The following RHOBTB1 variants were observed in gnomAD, a reference collection of about 807,000 sequenced individuals.
RHOBTB1 encodes the protein Rho related BTB domain containing 1.
A neutral mutation model predicts 71.6 loss-of-function variants in RHOBTB1; 40 were observed. That is an observed-to-expected ratio of 0.56 (90% CI 0.43 to 0.73). The LOEUF (loss-of-function observed/expected upper bound fraction) is 0.73, where lower values mean the gene tolerates loss of function less well. Among genes scored for constraint, RHOBTB1 ranks in the 30% least tolerant of loss-of-function variants. The pLI, the probability that RHOBTB1 is intolerant of heterozygous loss-of-function variation, is 0.00. For missense variants in RHOBTB1, 797 were observed against 894.0 expected, an observed-to-expected ratio of 0.89 and a Z score of 1.38; for synonymous variants, 319 against 334.9, an observed-to-expected ratio of 0.95 and a Z score of 0.52.
At chr10:60,976,043 A>C (rs2086303146) in intron 2 of RHOBTB1, among the ~76,000 whole-genome samples, 1 of 152,068 alleles carries the variant, frequency 6.6e-6, no homozygotes. Flanking sequence ...AAGGACAAGA[A>C]ATTCTCAGGG....
chr10:60,872,478 C>T (rs2132177469), intron 9 of RHOBTB1, among the ~76,000 whole-genome samples, 188 bp from the exon 10 acceptor site: 1 of 152,306 alleles, frequency 6.6e-6, no homozygotes. Context: ...TAGTGCTGGG[C>T]ACACCCCTCC....
chr10:60,878,102 G>T, intron 7 of RHOBTB1, 44 bp from the exon 8 acceptor site: 1 of 1,535,324 alleles, frequency 6.5e-7, no homozygotes, highest in Non-Finnish European at 9.0e-7. Context: ...CAGAAAGCAG[G>T]GAGTGGGCAC....
chr10:60,906,784 T>C (rs2082701540), intron 4 of RHOBTB1, among the ~76,000 whole-genome samples: 1 of 151,848 alleles, frequency 6.6e-6, no homozygotes, highest in African/African-American at 2.4e-5. Flanking sequence ...GACAGATCAA[T>C]GAAGGAAATT....
chr10:60,961,450 T>G (rs1048725626), intron 2 of RHOBTB1, among the ~76,000 whole-genome samples: 1 of 152,144 alleles, frequency 6.6e-6, no homozygotes, highest in African/African-American at 2.4e-5. Flanking sequence ...ATAACACCAT[T>G]GTGAATATTT....
intron 4 of RHOBTB1, 40 bp from the exon 5 acceptor site, chr10:60,893,035 A>C (rs771182700): frequency 6.6e-7 from 1 of 1,525,028 alleles, no homozygotes; most frequent in East Asian, 2.3e-5. Flanking sequence ...TTGCCTTTTA[A>C]CAGGTTTTTT....
rs765022264 is a variant in RHOBTB1, at chr10:60,888,484, C to T, written c.1184G>A (p.Gly395Glu). 61 of 1,614,066 alleles carry T rather than the reference C, an allele frequency of 3.8e-5. No homozygotes were observed. The highest frequency in any genetic ancestry group is 1.6e-4 in the Middle Eastern group (1 of 6,084). ...GTCCATCCTGACCACAGTCATGGGC[C>T]CCATCCGCTTTGAAATGGGGTTGAC... Reference protein sequence around the residue: ...MQVNPISKRMGPMTVVRMDAS... With the variant: ...MQVNPISKRMEPMTVVRMDAS... Residue 395 changes from glycine (G) to glutamate (E), a missense_variant, in exon 6 of 11, where the codon GGG becomes GAG. Gly to Glu is a moderately conservative substitution (Grantham distance 98, BLOSUM62 -2). This residue lies in a region of RHOBTB1 where 658 missense variants were observed against 681.5 expected (regional missense o/e 0.97). Coordinates refer to ENST00000337910, the MANE Select transcript of RHOBTB1 (RefSeq NM_014836.5).
chr10:60,983,376 C>T (rs1157479109), intron 2 of RHOBTB1, among the ~76,000 whole-genome samples: 2 of 152,054 alleles, frequency 1.3e-5, no homozygotes, highest in African/African-American at 2.4e-5. Flanking sequence ...TATGATTTTT[C>T]AGGGCATCAA....
chr10:60,884,254 G>A (rs1026117074), intron 7 of RHOBTB1, among the ~76,000 whole-genome samples: 29 of 152,170 alleles, frequency 1.9e-4, no homozygotes, highest in African/African-American at 7.2e-5. Context: ...CACAATGGGA[G>A]TGCTCGAATT....
At chr10:60,987,897 G>C (rs2086719430) in intron 1 of RHOBTB1, among the ~76,000 whole-genome samples, 1 of 133,410 alleles carries the variant, frequency 7.5e-6, no homozygotes, top group Admixed American at 7.8e-5. Context: ...GTTAGTAGCT[G>C]TCTGCTGTCT....
chr10:60,987,271 G>A (rs909964564), intron 1 of RHOBTB1, among the ~76,000 whole-genome samples: 6 of 152,000 alleles, frequency 3.9e-5, no homozygotes, highest in African/African-American at 1.5e-4. Context: ...TCCCTTAAAC[G>A]TGGGCCTTCC....
At chr10:60,891,007 G>T (rs2081889367) in intron 5 of RHOBTB1, among the ~76,000 whole-genome samples, 1 of 152,200 alleles carries the variant, frequency 6.6e-6, no homozygotes, top group South Asian at 2.1e-4. Context: ...CCATGATTGT[G>T]AGGACTGATT....
rs370888479 is a variant in RHOBTB1, at chr10:60,893,014, A to C, written c.297-19T>G. On this transcript the variant is annotated intron_variant, in intron 4 of 10. Transcript: ENST00000337910. ...ATCAGACCTAAAAGGAAATCATAAA[A>C]GAAGCTTGTATTGCCTTTTAACAGG... 6.3e-7 allele frequency: 1 copy of C among 1,598,922 alleles called. No homozygotes were observed. The highest frequency in any genetic ancestry group is 1.3e-5 in the African/African-American group (1 of 74,206).
At chr10:60,981,621 T>C (rs1589454049) in intron 2 of RHOBTB1, among the ~76,000 whole-genome samples, 1 of 152,186 alleles carries the variant, frequency 6.6e-6, no homozygotes, top group Non-Finnish European at 1.5e-5. Flanking sequence ...CATAACCAAT[T>C]AATCAAGATC....
intron 2 of RHOBTB1, among the ~76,000 whole-genome samples, chr10:60,916,135 C>T (rs1054057461): frequency 6.6e-5 from 10 of 152,172 alleles, no homozygotes; most frequent in African/African-American, 1.2e-4. Context: ...CTGACTGCTT[C>T]GCCCAAAAGA....
chr10:60,877,710 G>C (rs1272315729), intron 8 of RHOBTB1, among the ~76,000 whole-genome samples, 198 bp downstream of exon 8: 1 of 152,236 alleles, frequency 6.6e-6, no homozygotes, highest in African/African-American at 2.4e-5. Context: ...GCCCACCACA[G>C]AGTGGGTGCT....
rs556836780 is a variant in RHOBTB1, at chr10:60,884,409, T to A, written c.1575+1703A>T. ...ACCCATGTTTTCATTTCTACTTTTT[T>A]AAAAAAGATGTTAAAAATACTTGCA... On this transcript the variant is annotated intron_variant, in intron 7 of 10. Coordinates refer to ENST00000337910, the MANE Select transcript of RHOBTB1 (RefSeq NM_014836.5). Among the ~76,000 whole-genome samples the A allele has an allele frequency of 2.5e-4, 38 of 152,324 alleles. No homozygotes were observed. In the East Asian group the frequency reaches 7.1e-3, roughly 29 times the overall value.
At chr10:60,899,265 G>A (rs764990527) in intron 4 of RHOBTB1, among the ~76,000 whole-genome samples, 3 of 152,186 alleles carry the variant, frequency 2.0e-5, no homozygotes, top group Admixed American at 6.5e-5. Context: ...AATGCAGGAG[G>A]CACTGAAGTA....
intron 2 of RHOBTB1, among the ~76,000 whole-genome samples, chr10:60,977,048 A>C (rs2086340513): frequency 6.6e-6 from 1 of 152,046 alleles, no homozygotes; most frequent in South Asian, 2.1e-4. Flanking sequence ...TAAATGAAGG[A>C]GAATTATATA....
intron 2 of RHOBTB1, among the ~76,000 whole-genome samples, chr10:60,978,518 T>C (rs1021090760): frequency 3.3e-5 from 5 of 152,130 alleles, no homozygotes; most frequent in Admixed American, 2.0e-4. Context: ...AGTGGGTATG[T>C]TGGGTCTCTG....
Sources: gnomAD v4.1 joint callset for allele counts (sites outside exome capture counted in the v4.1 genomes callset) on GRCh38, gnomAD v4.1.1 for gene constraint, gnomAD v4.1.1 regional missense constraint, MANE v1.5 for transcripts, NCBI Gene and HGNC (gene_info 2026-07-23, HGNC 2026-07-21) for gene names.